SCAND3: variants seen among roughly 807,000 people sequenced by gnomAD.
The protein encoded by SCAND3 is SCAN domain containing 3.
the SCAND3 span, among the ~76,000 whole-genome samples, chr6:28,612,250 G>C: frequency 6.6e-6 from 1 of 152,010 alleles, no homozygotes; most frequent in African/African-American, 2.4e-5. Context: ...GTGTTAGCCA[G>C]GATGGTCTCG....
the SCAND3 span, among the ~76,000 whole-genome samples, chr6:28,602,568 C>T: frequency 1.4e-4 from 21 of 152,314 alleles, no homozygotes; most frequent in African/African-American, 4.1e-4. Context: ...TCTTCTCTGC[C>T]CCAATACCTC....
the SCAND3 span, chr6:28,591,282 A>G: frequency 6.6e-6 from 1 of 152,326 alleles, no homozygotes; most frequent in Non-Finnish European, 1.5e-5. Context: ...GCAGCCACCA[A>G]CACTGGGAGA....
the SCAND3 span, chr6:28,576,016 A>T: frequency 6.2e-7 from 1 of 1,613,836 alleles, no homozygotes; most frequent in South Asian, 1.1e-5. Context: ...TAACCTTGCT[A>T]AGCTTCTGAA....
chr6:28,607,519 G>GTTTTTTTTTTTTTTTTT, the SCAND3 span, among the ~76,000 whole-genome samples: 1 of 149,316 alleles, frequency 6.7e-6, no homozygotes. Context: ...TTTATTCACT[G>GTTTTTTTTTTTTTTTTT]TTTTTTTTTT....
chr6:28,593,297 T>TA, the SCAND3 span, among the ~76,000 whole-genome samples: 81 of 149,616 alleles, frequency 5.4e-4, no homozygotes, highest in Admixed American at 2.0e-4. Context: ...GCAATACATA[T>TA]AAAAAAAAGA....
At chr6:28,596,593 A>C in the SCAND3 span, among the ~76,000 whole-genome samples, 20,501 of 151,852 alleles carry the variant, frequency 0.14, 1,950 homozygotes, top group East Asian at 0.44. Context: ...CTATTCAAAA[A>C]CTTAAATAAA....
At chr6:28,577,872 C>G in the SCAND3 span, among the ~76,000 whole-genome samples, 1 of 152,328 alleles carries the variant, frequency 6.6e-6, no homozygotes, top group Admixed American at 6.5e-5. Context: ...CTGTAAGCCC[C>G]TTCTCTGAGA....
the SCAND3 span, among the ~76,000 whole-genome samples, chr6:28,585,824 A>G: frequency 6.6e-6 from 1 of 152,298 alleles, no homozygotes; most frequent in Non-Finnish European, 1.5e-5. Context: ...AATAATTTTG[A>G]GCTCAAAACA....
the SCAND3 span, chr6:28,576,149 GA>G: frequency 2.1e-5 from 32 of 1,545,602 alleles, no homozygotes; most frequent in Non-Finnish European, 2.8e-5. Context: ...AAAAACAAAG[GA>G]AAAAAATCAA....
the SCAND3 span, among the ~76,000 whole-genome samples, chr6:28,615,333 T>C: frequency 6.6e-6 from 1 of 152,100 alleles, no homozygotes; most frequent in African/African-American, 2.4e-5. Flanking sequence ...ACTAGACATT[T>C]CCGGGAGCAG....
chr6:28,605,385 G>T, the SCAND3 span, among the ~76,000 whole-genome samples: 1 of 152,038 alleles, frequency 6.6e-6, no homozygotes, highest in Non-Finnish European at 1.5e-5. Flanking sequence ...GACTTTGTTG[G>T]GAAGATTTTT....
chr6:28,573,235 A>G, the SCAND3 span: 8 of 1,613,984 alleles, frequency 5.0e-6, no homozygotes, highest in Non-Finnish European at 6.8e-6. Context: ...TTGATCTTCC[A>G]TATCATTAGC....
At chr6:28,597,364 C>A in the SCAND3 span, among the ~76,000 whole-genome samples, 2 of 152,346 alleles carry the variant, frequency 1.3e-5, no homozygotes, top group South Asian at 2.1e-4. Context: ...TTCGAACCCA[C>A]GCGTGCAGAG....
At chr6:28,589,114 T>C in the SCAND3 span, 2 of 152,162 alleles carry the variant, frequency 1.3e-5, no homozygotes, top group African/African-American at 4.8e-5. Flanking sequence ...ACTTTCTAAA[T>C]TGTTAAGTTT....
At chr6:28,573,845 A>C in the SCAND3 span, 1 of 1,503,184 alleles carries the variant, frequency 6.7e-7, no homozygotes, top group Non-Finnish European at 8.8e-7. Flanking sequence ...TAGGAATAAA[A>C]GTAAATAATA....
At chr6:28,609,393 T>C in the SCAND3 span, among the ~76,000 whole-genome samples, 1 of 152,204 alleles carries the variant, frequency 6.6e-6, no homozygotes, top group African/African-American at 2.4e-5. Context: ...TGAATATCAG[T>C]TTTATTTTGA....
At chr6:28,612,043 G>T in the SCAND3 span, among the ~76,000 whole-genome samples, 5 of 144,892 alleles carry the variant, frequency 3.5e-5, no homozygotes, top group African/African-American at 7.6e-5. Flanking sequence ...TTTTTTTGTT[G>T]TTTTTTTTTT....
At chr6:28,582,200 T>G in the SCAND3 span, among the ~76,000 whole-genome samples, 1 of 152,224 alleles carries the variant, frequency 6.6e-6, no homozygotes, top group East Asian at 1.9e-4. This position sits in a 1 kb window ranked among gnomAD's most constrained non-coding sequence, Gnocchi z 4.8. Context: ...AGGACAGTTC[T>G]GAATGTGGCC....
At chr6:28,587,200 C>T in the SCAND3 span, 160 of 164,900 alleles carry the variant, frequency 9.7e-4, no homozygotes, top group Admixed American at 2.5e-3. Flanking sequence ...CCGCAGCTCC[C>T]ACCTCTGAGG....
Sources: allele counts gnomAD v4.1 joint callset (sites outside exome capture counted in the v4.1 genomes callset), GRCh38; gene constraint gnomAD v4.1.1; non-coding constraint Gnocchi (gnomAD v3.1); transcripts MANE v1.5; gene names NCBI Gene and HGNC (gene_info 2026-07-23, HGNC 2026-07-21).